The following SNX14 variants were observed in gnomAD, a reference collection of about 807,000 sequenced individuals.
SNX14 encodes the protein sorting nexin 14.
SNX14 carries 93 observed loss-of-function variants against 133.8 expected under a neutral mutation model. The ratio of observed to expected loss-of-function variants is 0.70; its 90% CI spans 0.59 to 0.83. The LOEUF (loss-of-function observed/expected upper bound fraction) is 0.83, where lower values mean the gene tolerates loss of function less well. SNX14 is among the 40% of genes least tolerant of loss of function. The pLI, the probability that SNX14 is intolerant of heterozygous loss-of-function variation, is 0.00. For missense variants in SNX14, 945 were observed against 1,094.9 expected (o/e 0.86, Z 1.93); for synonymous variants, 368 against 365.6 (o/e 1.01, Z -0.07).
rs1421943171 is a variant in SNX14, at chr6:85,526,227, T to C, written c.2006A>G (p.Gln669Arg). The change falls in exon 21 of 29, where the codon CAG becomes CGG. Residue 669 changes from glutamine (Q) to arginine (R), a missense_variant. By Grantham distance (43) the Gln-to-Arg change is conservative. Transcript: ENST00000314673. ...TTGACTATTACTCAGTTCTGGATGC[T>C]GCAGAAGTTTCTTGAATGAACAAAA... Reference protein sequence around the residue: ...EFQEYLQKLLQHPELSNSQLL... With the variant: ...EFQEYLQKLLRHPELSNSQLL... The C allele has an allele frequency of 1.3e-6, 2 of 1,594,836 alleles. No individual in the cohort carries two copies.
intron 23 of SNX14, 48 bp downstream of exon 23, chr6:85,517,708 A>G: frequency 6.5e-7 from 1 of 1,537,654 alleles, no homozygotes; most frequent in Non-Finnish European, 8.7e-7. Context: ...AGTAATCTCA[A>G]GTAGGGCAAC....
At chr6:85,549,008 C>T (rs1208828412) in intron 8 of SNX14, among the ~76,000 whole-genome samples, 1 of 150,132 alleles carries the variant, frequency 6.7e-6, no homozygotes, top group African/African-American at 2.4e-5. Context: ...AAAATACTTT[C>T]TATCTAAGAA....
chr6:85,529,596 A>C (rs998030648), intron 19 of SNX14, among the ~76,000 whole-genome samples: 1 of 152,212 alleles, frequency 6.6e-6, no homozygotes, highest in Non-Finnish European at 1.5e-5. Context: ...TTTGAACACA[A>C]GTACAAACTC....
intron 6 of SNX14, among the ~76,000 whole-genome samples, chr6:85,559,018 A>G (rs910349785): frequency 1.3e-5 from 2 of 152,112 alleles, no homozygotes; most frequent in Non-Finnish European, 2.9e-5. Context: ...GTCTTCCACC[A>G]TAAAACTTAA....
At chr6:85,547,477 A>C (rs989856297) in intron 10 of SNX14, 29 bp downstream of exon 10, 2 of 1,605,432 alleles carry the variant, frequency 1.2e-6, no homozygotes, top group Non-Finnish European at 1.7e-6. Flanking sequence ...ATGCAATCTG[A>C]AGTGTTTTCT....
chr6:85,547,088 G>A (rs376521139), intron 12 of SNX14, 24 bp downstream of exon 12: 12 of 1,556,728 alleles, frequency 7.7e-6, no homozygotes, highest in South Asian at 5.8e-5. Context: ...AATTACTTTC[G>A]TAAAATACAC....
At chr6:85,529,395 G>GGGAA (rs747616592) in intron 19 of SNX14, among the ~76,000 whole-genome samples, 4 of 151,682 alleles carry the variant, frequency 2.6e-5, no homozygotes, top group African/African-American at 7.3e-5. Context: ...AAGGAAACAA[G>GGGAA]GGAAGGAAGG....
intron 1 of SNX14, among the ~76,000 whole-genome samples, chr6:85,577,429 C>T (rs1319316046): frequency 1.3e-5 from 2 of 151,556 alleles, no homozygotes; most frequent in Non-Finnish European, 2.9e-5. Flanking sequence ...TAAATAAATA[C>T]ATAAAAGCAA....
chr6:85,573,411 C>T (rs1226097960), intron 2 of SNX14, among the ~76,000 whole-genome samples: 1 of 152,122 alleles, frequency 6.6e-6, no homozygotes, highest in Non-Finnish European at 1.5e-5. Context: ...ACCTGAGAGG[C>T]AGAGGTTGCA....
chr6:85,547,520 T>C lies in SNX14; in HGVS notation c.898A>G (p.Ile300Val). The change falls in exon 10 of 29, where the codon ATA (isoleucine) becomes GTA (valine). Residue 300 changes from isoleucine (I) to valine (V), a missense_variant. By Grantham distance (29) the Ile-to-Val change is conservative. Transcript: ENST00000314673. ...DTVNHLLIIFIDDSPPEKATE... is the reference protein window; with the variant it reads ...DTVNHLLIIFVDDSPPEKATE... The stretch of plus-strand genomic sequence containing the variant: ...TCAATACTCACTGGACTGTCATCTA[T>C]GAAGATGATAAGCAAATGATTCACA... The C allele has an allele frequency of 1.2e-6, 2 of 1,602,978 alleles. No homozygotes were observed. The highest frequency in any genetic ancestry group is 1.7e-6 in the Non-Finnish European group (2 of 1,176,612).
At chr6:85,529,013 C>T (rs1474869276) in intron 19 of SNX14, among the ~76,000 whole-genome samples, 8 of 150,246 alleles carry the variant, frequency 5.3e-5, no homozygotes, top group Non-Finnish European at 1.2e-4. Context: ...GAGCACACCA[C>T]TGCACTATAG....
At chr6:85,534,199 C>T (rs529306772) in intron 17 of SNX14, among the ~76,000 whole-genome samples, 108 of 152,272 alleles carry the variant, frequency 7.1e-4, no homozygotes, top group African/African-American at 2.4e-3. Flanking sequence ...GGCGCATTGG[C>T]TTTCACCTGT....
chr6:85,572,965 G>T (rs553724828), intron 2 of SNX14, among the ~76,000 whole-genome samples: 4 of 151,920 alleles, frequency 2.6e-5, no homozygotes, highest in Non-Finnish European at 5.9e-5. Context: ...AAAAAAGGAA[G>T]AAAGAAAAAA....
intron 7 of SNX14, among the ~76,000 whole-genome samples, chr6:85,557,331 C>T (rs1322027399): frequency 1.3e-5 from 2 of 152,036 alleles, no homozygotes; most frequent in Non-Finnish European, 2.9e-5. Flanking sequence ...AATGAGGATT[C>T]CACTCATTCA....
chr6:85,548,504 G>A (rs1348353253), intron 8 of SNX14, 128 bp from the exon 9 acceptor site: 3 of 658,944 alleles, frequency 4.6e-6, no homozygotes, highest in Non-Finnish European at 7.4e-6. Context: ...TCTTGGTTAG[G>A]CCCTAAAAGT....
At chr6:85,574,057 TTTA>T (rs869235344) in intron 2 of SNX14, among the ~76,000 whole-genome samples, 198 bp downstream of exon 2, 3 of 114,032 alleles carry the variant, frequency 2.6e-5, no homozygotes, top group Non-Finnish European at 6.4e-5. Context: ...GATGGATTTT[TTTA>T]TAATAATAAA....
chr6:85,548,492 G>A, intron 8 of SNX14, 116 bp from the exon 9 acceptor site: 1 of 763,110 alleles, frequency 1.3e-6, no homozygotes, highest in South Asian at 2.1e-5. Flanking sequence ...TAATTCAGTA[G>A]GTCTTGGTTA....
intron 1 of SNX14, among the ~76,000 whole-genome samples, chr6:85,584,968 T>C (rs1237378230): frequency 6.6e-6 from 1 of 152,216 alleles, no homozygotes; most frequent in Non-Finnish European, 1.5e-5. Flanking sequence ...ATTGCAGCAC[T>C]ATACACAATA....
intron 6 of SNX14, among the ~76,000 whole-genome samples, chr6:85,559,892 C>A (rs1469692820): frequency 6.6e-6 from 1 of 152,108 alleles, no homozygotes; most frequent in African/African-American, 2.4e-5. Flanking sequence ...CATAAAAGTT[C>A]TCAACATTAT....
Sources: allele counts gnomAD v4.1 joint callset (sites outside exome capture counted in the v4.1 genomes callset), GRCh38; gene constraint gnomAD v4.1.1; transcripts MANE v1.5; gene names NCBI Gene and HGNC (gene_info 2026-07-23, HGNC 2026-07-21).